RORA: variants seen among roughly 807,000 people sequenced by gnomAD.
RORA encodes nuclear receptor ROR-alpha.
RORA carries 7 observed loss-of-function variants against 69.5 expected under a neutral mutation model. The ratio of observed to expected loss-of-function variants is 0.10; its 90% CI spans 0.06 to 0.19. RORA has a LOEUF of 0.19. Ranked by LOEUF, RORA falls within the 10% of genes least tolerant of loss-of-function variation. The pLI, the probability that RORA is intolerant of heterozygous loss-of-function variation, is 1.00. For synonymous variants in RORA, 261 were observed against 240.8 expected (o/e 1.08, Z -0.78); for missense variants, 457 against 663.0 (o/e 0.69, Z 3.41).
At chr15:60,554,686 C>T (rs372704435) in intron 2 of RORA, among the ~76,000 whole-genome samples, 16 of 151,998 alleles carry the variant, frequency 1.1e-4, no homozygotes, top group Non-Finnish European at 1.5e-4. Context: ...ATTCAGGATG[C>T]GAAAAATCTC....
At chr15:60,910,251 A>G (rs914542622) in intron 1 of RORA, among the ~76,000 whole-genome samples, 2 of 152,214 alleles carry the variant, frequency 1.3e-5, no homozygotes, top group African/African-American at 2.4e-5. Context: ...GGAAATGTCA[A>G]TGTTGACATC....
At chr15:61,073,589 T>C (rs2140618391) in intron 1 of RORA, among the ~76,000 whole-genome samples, 1 of 152,248 alleles carries the variant, frequency 6.6e-6, no homozygotes, top group Non-Finnish European at 1.5e-5. Context: ...TACAGGGAAA[T>C]AGACTTGTGC....
At chr15:60,732,843 A>G (rs1427935676) in intron 1 of RORA, among the ~76,000 whole-genome samples, 1 of 151,468 alleles carries the variant, frequency 6.6e-6, no homozygotes, top group Admixed American at 6.6e-5. Flanking sequence ...GTGCACTTAC[A>G]TGCTTCTATA....
intron 1 of RORA, among the ~76,000 whole-genome samples, chr15:60,786,880 C>T (rs1276251953): frequency 6.6e-6 from 1 of 152,212 alleles, no homozygotes; most frequent in African/African-American, 2.4e-5. Flanking sequence ...TCGTGATAGG[C>T]ATTTAGCAAC....
At chr15:60,559,555 C>G (rs2067472640) in intron 2 of RORA, among the ~76,000 whole-genome samples, 1 of 152,178 alleles carries the variant, frequency 6.6e-6, no homozygotes, top group African/African-American at 2.4e-5. Context: ...TGCTTACTTC[C>G]TAACTTCTCA....
At chr15:60,573,176 T>C (rs1267422114) in intron 2 of RORA, among the ~76,000 whole-genome samples, 1 of 152,234 alleles carries the variant, frequency 6.6e-6, no homozygotes, top group African/African-American at 2.4e-5. Context: ...GTAAGCAGCA[T>C]GATTGAACCG....
chr15:60,655,391 A>G (rs2070205270), intron 2 of RORA, among the ~76,000 whole-genome samples: 2 of 152,184 alleles, frequency 1.3e-5, no homozygotes, highest in Non-Finnish European at 2.9e-5. Flanking sequence ...GGGAGCAAGT[A>G]AAGGAGACAT....
At chr15:61,021,779 A>G (rs1334839109) in intron 1 of RORA, among the ~76,000 whole-genome samples, 1 of 152,242 alleles carries the variant, frequency 6.6e-6, no homozygotes, top group Non-Finnish European at 1.5e-5. Flanking sequence ...AGCACTATCA[A>G]TAATTACAAC....
chr15:60,630,280 C>G (rs144935536), intron 2 of RORA, among the ~76,000 whole-genome samples: 2 of 152,352 alleles, frequency 1.3e-5, no homozygotes, highest in African/African-American at 4.8e-5. Context: ...TATACAGATT[C>G]TGTCTAGAAC....
At chr15:60,687,749 G>A (rs192233258) in intron 1 of RORA, among the ~76,000 whole-genome samples, 15 of 152,278 alleles carry the variant, frequency 9.9e-5, no homozygotes, top group East Asian at 5.8e-4. Context: ...ATGAGACTCC[G>A]TCTCCAAAAC....
chr15:61,168,450 G>A (rs2079557131), intron 1 of RORA, among the ~76,000 whole-genome samples: 2 of 152,066 alleles, frequency 1.3e-5, no homozygotes, highest in Non-Finnish European at 2.9e-5. Flanking sequence ...GTAGAGACAG[G>A]GTTTCGCCAT....
chr15:60,592,906 A>G, intron 2 of RORA: 1 of 455,782 alleles, frequency 2.2e-6, no homozygotes. Flanking sequence ...TCGCAACCCG[A>G]CGCCACTCTC....
At chr15:61,222,070 C>T (rs2080102870) in intron 1 of RORA, among the ~76,000 whole-genome samples, 1 of 152,060 alleles carries the variant, frequency 6.6e-6, no homozygotes, top group Non-Finnish European at 1.5e-5. Flanking sequence ...CATAATATTT[C>T]CTACTCATTT....
chr15:60,713,030 C>T (rs2071165114), intron 1 of RORA, among the ~76,000 whole-genome samples: 1 of 152,156 alleles, frequency 6.6e-6, no homozygotes, highest in African/African-American at 2.4e-5. Context: ...ATCAGCAAGG[C>T]AAACAGACTT....
At chr15:61,035,045 A>T (rs1051562042) in intron 1 of RORA, among the ~76,000 whole-genome samples, 1 of 152,232 alleles carries the variant, frequency 6.6e-6, no homozygotes, top group African/African-American at 2.4e-5. Context: ...ACAGAAATAG[A>T]TATAAACAGA....
At chr15:60,868,367 T>C (rs1183767440) in intron 1 of RORA, among the ~76,000 whole-genome samples, 1 of 152,200 alleles carries the variant, frequency 6.6e-6, no homozygotes, top group African/African-American at 2.4e-5. Context: ...TAGTATAAGT[T>C]GGTACATGTC....
At chr15:60,648,198 T>C (rs2140689589) in intron 2 of RORA, among the ~76,000 whole-genome samples, 1 of 152,350 alleles carries the variant, frequency 6.6e-6, no homozygotes, top group South Asian at 2.1e-4. Flanking sequence ...TGCAGATAAA[T>C]GAAAAATTGG....
At chr15:60,792,300 A>C (rs1382604240) in intron 1 of RORA, among the ~76,000 whole-genome samples, 1 of 152,222 alleles carries the variant, frequency 6.6e-6, no homozygotes, top group Non-Finnish European at 1.5e-5. Context: ...AGCCTCAGTG[A>C]CTTGAGCATT....
At chr15:60,621,926 T>C (rs1283578948) in intron 2 of RORA, among the ~76,000 whole-genome samples, 1 of 152,030 alleles carries the variant, frequency 6.6e-6, no homozygotes, top group Non-Finnish European at 1.5e-5. Context: ...CAGGCACCTG[T>C]AATCCCAGCT....
Sources: allele counts gnomAD v4.1 joint callset (sites outside exome capture counted in the v4.1 genomes callset), GRCh38; gene constraint gnomAD v4.1.1; transcripts MANE v1.5; gene names NCBI Gene and HGNC (gene_info 2026-07-23, HGNC 2026-07-21).